RABGAP1L: variants seen among roughly 807,000 people sequenced by gnomAD.
RABGAP1L encodes RAB GTPase activating protein 1 like.
In RABGAP1L, 63 loss-of-function variants were observed where a neutral mutation model predicts 137.7. That is an observed-to-expected ratio of 0.46 (90% CI 0.37 to 0.56). The LOEUF is 0.56. Ranked by LOEUF, RABGAP1L falls within the 20% of genes least tolerant of loss-of-function variation. The pLI, the probability that RABGAP1L is intolerant of heterozygous loss-of-function variation, is 0.00. For missense variants in RABGAP1L, 1,095 were observed against 1,244.0 expected, an observed-to-expected ratio of 0.88 and a Z score of 1.80; for synonymous variants, 431 against 433.7, an observed-to-expected ratio of 0.99 and a Z score of 0.08.
chr1:174,327,956 A>AATATATATATATATATACATACATAT (rs1553274442), intron 11 of RABGAP1L, among the ~76,000 whole-genome samples: 1 of 97,970 alleles, frequency 1.0e-5, no homozygotes, highest in African/African-American at 4.5e-5. Context: ...AACAGTTGTA[A>AATATATATATATATATACATACATAT]ATATATATAT....
chr1:174,892,731 TC>T (rs201419444), intron 19 of RABGAP1L: 8,387 of 424,248 alleles, frequency 0.02, 210 homozygotes, highest in African/African-American at 0.034. Flanking sequence ...TTGTTTTCTT[TC>T]TTTTTTTTTT....
intron 18 of RABGAP1L, among the ~76,000 whole-genome samples, chr1:174,752,756 A>G (rs1207500739): frequency 2.0e-5 from 3 of 152,208 alleles, no homozygotes; most frequent in Non-Finnish European, 4.4e-5. Context: ...AAAAGTTTTT[A>G]TAATATACTG....
chr1:174,665,453 C>CGCCTT (rs369876386), intron 14 of RABGAP1L, among the ~76,000 whole-genome samples: 9 of 146,500 alleles, frequency 6.1e-5, no homozygotes, highest in Non-Finnish European at 7.6e-5. Flanking sequence ...CGCCCCGCCT[C>CGCCTT]GCCTTGCCTC....
At chr1:174,361,233 T>G (rs1392396890) in intron 11 of RABGAP1L, among the ~76,000 whole-genome samples, 1 of 151,932 alleles carries the variant, frequency 6.6e-6, no homozygotes, top group Non-Finnish European at 1.5e-5. Flanking sequence ...TTGTTTTTTT[T>G]TTTTTTTGCT....
chr1:174,408,535 G>A (rs1165640607), intron 13 of RABGAP1L, among the ~76,000 whole-genome samples: 1 of 152,120 alleles, frequency 6.6e-6, no homozygotes, highest in Admixed American at 6.6e-5. Context: ...ATGCAAACGT[G>A]TGTCTTTTCG....
chr1:174,642,950 A>G (rs1173987162), intron 14 of RABGAP1L, among the ~76,000 whole-genome samples: 7 of 151,740 alleles, frequency 4.6e-5, no homozygotes, highest in Non-Finnish European at 1.0e-4. Flanking sequence ...ACTCTGGGCT[A>G]ATTTTGGTCT....
rs182946112 is a variant in RABGAP1L, at chr1:174,491,358, A to G, written c.1710+97213A>G. ...CCTTCTGGCTGAGGGAGTTTCTCAAAATACTTTCTGGGAGCTAAGGCCTGA... is the reference window on the plus strand; with the variant it reads ...CCTTCTGGCTGAGGGAGTTTCTCAAGATACTTTCTGGGAGCTAAGGCCTGA... On this transcript the variant is annotated intron_variant, in intron 13 of 25. Transcript: ENST00000681986. 2.8e-4 allele frequency among the ~76,000 whole-genome samples: 43 copies of G among 152,126 alleles called. No individual in the cohort carries two copies. The East Asian group carries it at 8.1e-3, about 29-fold the overall frequency.
intron 19 of RABGAP1L, among the ~76,000 whole-genome samples, chr1:174,859,953 C>CTTT (rs746676430): frequency 1.3e-4 from 12 of 95,120 alleles, no homozygotes; most frequent in Non-Finnish European, 1.6e-4. Context: ...TAGTCCAATG[C>CTTT]TTTTTTTTTT....
intron 13 of RABGAP1L, among the ~76,000 whole-genome samples, chr1:174,619,973 G>A (rs1557911464): frequency 6.6e-6 from 1 of 152,074 alleles, no homozygotes; most frequent in Admixed American, 6.6e-5. Flanking sequence ...AACAAAAAAA[G>A]GTACGGGTTG....
chr1:174,182,193 T>A (rs1441796156), intron 1 of RABGAP1L, among the ~76,000 whole-genome samples: 3 of 152,156 alleles, frequency 2.0e-5, no homozygotes, highest in Non-Finnish European at 4.4e-5. Context: ...TTGGTTTAGC[T>A]GTGTAGTTTC....
chr1:174,455,176 G>T (rs757701033), intron 13 of RABGAP1L, among the ~76,000 whole-genome samples: 1 of 152,082 alleles, frequency 6.6e-6, no homozygotes, highest in Non-Finnish European at 1.5e-5. Context: ...TAGTTTTTGA[G>T]ATTCTAAAAT....
intron 13 of RABGAP1L, chr1:174,548,575 TG>T: frequency 5.1e-6 from 5 of 973,662 alleles, no homozygotes; most frequent in Non-Finnish European, 6.1e-6. Flanking sequence ...TTTTGTGAGA[TG>T]TACTTTTTTC....
At chr1:174,413,640 G>A (rs11799704) in intron 13 of RABGAP1L, among the ~76,000 whole-genome samples, 53,482 of 151,800 alleles carry the variant, frequency 0.35, 12,067 homozygotes, top group African/African-American at 0.64. Context: ...TTTCCCTATA[G>A]TGTTATTTTA....
chr1:174,467,601 G>A (rs1228651249), intron 13 of RABGAP1L, among the ~76,000 whole-genome samples: 2 of 152,076 alleles, frequency 1.3e-5, no homozygotes, highest in African/African-American at 4.8e-5. Context: ...TGTATGACAA[G>A]TACTGTAAAT....
chr1:174,539,054 A>C (rs565273993), intron 13 of RABGAP1L, among the ~76,000 whole-genome samples: 3 of 152,304 alleles, frequency 2.0e-5, no homozygotes, highest in African/African-American at 7.2e-5. Context: ...ATTTGAACTT[A>C]AGTTTCCTCA....
intron 14 of RABGAP1L, among the ~76,000 whole-genome samples, chr1:174,646,973 A>T (rs1481428582): frequency 6.6e-6 from 1 of 151,988 alleles, no homozygotes; most frequent in Non-Finnish European, 1.5e-5. Flanking sequence ...CTTTGTAGCA[A>T]TTGTGAATGG....
At chr1:174,919,410 C>T (rs992560799) in intron 19 of RABGAP1L, among the ~76,000 whole-genome samples, 9 of 152,192 alleles carry the variant, frequency 5.9e-5, no homozygotes, top group Admixed American at 4.6e-4. Flanking sequence ...ACACCTACTT[C>T]GGCTTCTCCG....
chr1:174,276,500 C>T (rs1675015360), intron 9 of RABGAP1L, among the ~76,000 whole-genome samples: 1 of 151,842 alleles, frequency 6.6e-6, no homozygotes, highest in African/African-American at 2.4e-5. Context: ...TTTCATATAC[C>T]ACTATAGAGT....
chr1:174,629,760 G>T (rs985578958), intron 13 of RABGAP1L, among the ~76,000 whole-genome samples: 2 of 152,146 alleles, frequency 1.3e-5, no homozygotes, highest in African/African-American at 2.4e-5. Context: ...CTGAGCTCAG[G>T]CAATCCGCCC....
Sources: allele counts gnomAD v4.1 joint callset (sites outside exome capture counted in the v4.1 genomes callset), GRCh38; gene constraint gnomAD v4.1.1; transcripts MANE v1.5; gene names NCBI Gene and HGNC (gene_info 2026-07-23, HGNC 2026-07-21).